The following UNC5D variants were observed in gnomAD, a reference collection of about 807,000 sequenced individuals.
The protein encoded by UNC5D is netrin receptor UNC5D.
In UNC5D, 39 loss-of-function variants were observed where a neutral mutation model predicts 105.4. The observed-to-expected ratio is 0.37, with a 90% CI of 0.29 to 0.48. The LOEUF is 0.48. Ranked by LOEUF, UNC5D falls within the 20% of genes least tolerant of loss-of-function variation. UNC5D has a pLI of 0.98. For missense variants in UNC5D, 991 were observed against 1,202.4 expected (o/e 0.82, Z 2.60); for synonymous variants, 452 against 450.4 (o/e 1.00, Z -0.04).
At chr8:35,715,445 T>C (rs1323516328) in intron 8 of UNC5D, among the ~76,000 whole-genome samples, 1 of 152,252 alleles carries the variant, frequency 6.6e-6, no homozygotes, top group Non-Finnish European at 1.5e-5. Flanking sequence ...CATTTTCTAA[T>C]CTTATATATG....
intron 3 of UNC5D, among the ~76,000 whole-genome samples, chr8:35,584,571 A>C (rs1316353024): frequency 1.3e-5 from 2 of 151,338 alleles, no homozygotes; most frequent in Non-Finnish European, 2.9e-5. Context: ...TGCGCCCCCA[A>C]GCCTATTTTG....
At chr8:35,779,207 A>G (rs1216733531) in intron 16 of UNC5D, among the ~76,000 whole-genome samples, 1 of 152,154 alleles carries the variant, frequency 6.6e-6, no homozygotes, top group African/African-American at 2.4e-5. Context: ...CGAAATAACG[A>G]ATTGGTCATG....
At chr8:35,400,542 A>AT (rs980633819) in intron 1 of UNC5D, among the ~76,000 whole-genome samples, 2 of 152,122 alleles carry the variant, frequency 1.3e-5, no homozygotes, top group South Asian at 2.1e-4. Context: ...TGTAAACTTC[A>AT]TTTTTTTGGT....
intron 4 of UNC5D, among the ~76,000 whole-genome samples, chr8:35,639,395 A>G (rs1822571222): frequency 6.6e-6 from 1 of 152,224 alleles, no homozygotes; most frequent in Non-Finnish European, 1.5e-5. Context: ...TATAGGGAAA[A>G]AAAGTTGTCA....
At chr8:35,283,954 A>G (rs912654406) in intron 1 of UNC5D, among the ~76,000 whole-genome samples, 15 of 152,352 alleles carry the variant, frequency 9.8e-5, no homozygotes, top group South Asian at 4.1e-4. Context: ...TCATTCAATT[A>G]CCTACAGTCT....
intron 1 of UNC5D, among the ~76,000 whole-genome samples, chr8:35,413,289 GTGT>G (rs1563393641): frequency 1.2e-3 from 34 of 27,586 alleles, no homozygotes; most frequent in Non-Finnish European, 2.1e-3. Context: ...GTGTGTGTGT[GTGT>G]TGTGTGTGTG....
chr8:35,726,034 C>G (rs1263920199), intron 9 of UNC5D, 118 bp from the exon 10 acceptor site: 20 of 1,375,534 alleles, frequency 1.5e-5, no homozygotes, highest in Non-Finnish European at 1.9e-5. Context: ...GAAGAGCTAG[C>G]TTGGATTGGA....
intron 1 of UNC5D, among the ~76,000 whole-genome samples, chr8:35,467,589 A>AG (rs1554537850): frequency 0.037 from 4,728 of 126,236 alleles, 120 homozygotes; most frequent in Middle Eastern, 0.11. Context: ...AAAAAAAAAA[A>AG]AAGAAGAAAA....
chr8:35,705,718 A>C (rs1827531375), intron 7 of UNC5D, among the ~76,000 whole-genome samples: 1 of 152,202 alleles, frequency 6.6e-6, no homozygotes, highest in South Asian at 2.1e-4. Context: ...TAAATGATGA[A>C]GTAATCATCT....
chr8:35,712,307 T>C (rs543653934), intron 8 of UNC5D, among the ~76,000 whole-genome samples: 1 of 152,252 alleles, frequency 6.6e-6, no homozygotes, highest in East Asian at 1.9e-4. Context: ...TTCAATATAG[T>C]CAATTTTATT....
intron 4 of UNC5D, among the ~76,000 whole-genome samples, chr8:35,639,678 CAA>C (rs1257218401): frequency 2.6e-5 from 4 of 152,022 alleles, no homozygotes; most frequent in Admixed American, 2.0e-4. Flanking sequence ...AGATAAAACT[CAA>C]GAGTAGGGAG....
chr8:35,774,938 A>G (rs1802176477), intron 16 of UNC5D, among the ~76,000 whole-genome samples: 1 of 151,922 alleles, frequency 6.6e-6, no homozygotes, highest in South Asian at 2.1e-4. Context: ...AAAAAAAAAA[A>G]AAAGACACTC....
intron 4 of UNC5D, among the ~76,000 whole-genome samples, chr8:35,659,761 A>C (rs937662082): frequency 2.6e-5 from 4 of 152,190 alleles, no homozygotes; most frequent in Admixed American, 2.0e-4. Flanking sequence ...TGTATTGCTG[A>C]TGTCATTGCT....
At chr8:35,583,462 A>G (rs554333554) in intron 3 of UNC5D, among the ~76,000 whole-genome samples, 1 of 152,140 alleles carries the variant, frequency 6.6e-6, no homozygotes, top group Non-Finnish European at 1.5e-5. Context: ...GCCTAAGTGC[A>G]GTCAGTGCTT....
chr8:35,579,614 C>T (rs142033818), intron 3 of UNC5D, among the ~76,000 whole-genome samples: 2 of 152,232 alleles, frequency 1.3e-5, no homozygotes, highest in African/African-American at 4.8e-5. Flanking sequence ...TGAGTCCATC[C>T]ATCCAGGATG....
chr8:35,632,215 A>G (rs1280167758), intron 4 of UNC5D, among the ~76,000 whole-genome samples: 1 of 152,114 alleles, frequency 6.6e-6, no homozygotes, highest in Non-Finnish European at 1.5e-5. Flanking sequence ...CATTTTTTCT[A>G]TTTGGAGTGA....
intron 4 of UNC5D, among the ~76,000 whole-genome samples, chr8:35,623,903 A>G (rs1295507669): frequency 6.6e-6 from 1 of 151,954 alleles, no homozygotes; most frequent in Non-Finnish European, 1.5e-5. Flanking sequence ...ACACGGTGAA[A>G]CCCCGTCTCT....
rs748677883 is a variant in UNC5D, at chr8:35,793,353, T to C, written c.*2790T>C. 3.8e-6 allele frequency: 1 copy of C among 266,488 alleles called. No individual in the cohort carries two copies. Among genetic ancestry groups the C allele is most frequent in the Non-Finnish European group, 7.5e-6 (1 of 133,166 alleles). 16.5% of individuals were successfully genotyped at this position (266,488 alleles called of 1,614,324 possible). On this transcript the variant is annotated 3_prime_UTR_variant, in exon 17 of 17. Coordinates refer to ENST00000404895, the MANE Select transcript of UNC5D (RefSeq NM_080872.4). ...CACTGTGACCTAAATTTAGTCCTATTGTAATATGTGCCTGTCACAACACAA... is the reference window on the plus strand; with the variant it reads ...CACTGTGACCTAAATTTAGTCCTATCGTAATATGTGCCTGTCACAACACAA...
intron 1 of UNC5D, among the ~76,000 whole-genome samples, chr8:35,307,328 C>T (rs796682439): frequency 5.9e-5 from 9 of 152,240 alleles, no homozygotes; most frequent in African/African-American, 1.9e-4. Context: ...CTACTTTTTA[C>T]TGATTACAGG....
Sources: allele counts gnomAD v4.1 joint callset (sites outside exome capture counted in the v4.1 genomes callset), GRCh38; gene constraint gnomAD v4.1.1; transcripts MANE v1.5; gene names NCBI Gene and HGNC (gene_info 2026-07-23, HGNC 2026-07-21).